The following TBC1D15 variants were observed in gnomAD, a reference collection of about 807,000 sequenced individuals.
TBC1D15 encodes GAP for RAB7.
TBC1D15 carries 39 observed loss-of-function variants against 95.4 expected under a neutral mutation model. The ratio of observed to expected loss-of-function variants is 0.41; its 90% CI spans 0.32 to 0.53. TBC1D15 has a LOEUF of 0.53. TBC1D15 is among the 20% of genes least tolerant of loss of function. The pLI is 0.29. For missense variants in TBC1D15, 733 were observed against 794.3 expected (o/e 0.92, Z 0.93); for synonymous variants, 258 against 261.3 (o/e 0.99, Z 0.12).
intron 11 of TBC1D15, among the ~76,000 whole-genome samples, chr12:71,911,167 T>A (rs1219607736): frequency 8.5e-5 from 13 of 152,122 alleles, no homozygotes; most frequent in Admixed American, 8.5e-4. Context: ...ACTTTTACAC[T>A]GTTGGTGGGA....
intron 1 of TBC1D15, among the ~76,000 whole-genome samples, chr12:71,863,738 G>A (rs945211709): frequency 6.6e-6 from 1 of 152,004 alleles, no homozygotes; most frequent in Non-Finnish European, 1.5e-5. Context: ...TCCCCTCACT[G>A]AATAGGTAAT....
chr12:71,915,992 A>G (rs1206033883), intron 12 of TBC1D15, among the ~76,000 whole-genome samples: 1 of 152,088 alleles, frequency 6.6e-6, no homozygotes, highest in East Asian at 1.9e-4. Context: ...GGCTGAACCT[A>G]ACGTCTGTAA....
chr12:71,850,983 T>TCAAAAAA (rs1887657575), intron 1 of TBC1D15, among the ~76,000 whole-genome samples: 1 of 46,722 alleles, frequency 2.1e-5, no homozygotes, highest in Non-Finnish European at 3.7e-5. Flanking sequence ...ACACTCCATC[T>TCAAAAAA]CAAAAAAAAA....
intron 10 of TBC1D15, among the ~76,000 whole-genome samples, chr12:71,904,892 A>G (rs919735511): frequency 1.3e-5 from 2 of 152,222 alleles, no homozygotes; most frequent in South Asian, 4.1e-4. Context: ...AGGATTGCCA[A>G]ACAGCATTCA....
rs1898160160 is a variant in TBC1D15 at position 71,896,292 on chromosome 12, T to TG, written c.984+222dup. The TG allele has an allele frequency of 8.9e-6, 4 of 451,652 alleles. No individual in the cohort carries two copies. In the South Asian group the frequency reaches 1.5e-4, roughly 17 times the overall value. The allele number at this position is 451,652 out of a possible 1,614,324, so 28.0% of individuals were successfully genotyped here. ...CAGAGTGAGGTGCTTATGATGTTCC[T>TG]GGGGGTTGGGTAGACCCTTAACTCT... On this transcript the variant is annotated intron_variant, in intron 8 of 16. Coordinates refer to ENST00000485960, the MANE Select transcript of TBC1D15 (RefSeq NM_001146213.3).
At chr12:71,919,744 T>C (rs116248884) in intron 14 of TBC1D15, among the ~76,000 whole-genome samples, 166 of 152,334 alleles carry the variant, frequency 1.1e-3, no homozygotes, top group African/African-American at 3.7e-3. Flanking sequence ...ATTGGAACGC[T>C]AAGCATGTGG....
rs1485241762 is a variant in TBC1D15 at position 71,878,696 on chromosome 12, A to G, written c.205-1773A>G. ...ACTCCCGGCTAATTTTTGTATTTTTAGTAGAGACGGGGGTTTTGCCATGTT... is the reference window on the plus strand; with the variant it reads ...ACTCCCGGCTAATTTTTGTATTTTTGGTAGAGACGGGGGTTTTGCCATGTT... On this transcript the variant is annotated intron_variant, in intron 3 of 16. Transcript: ENST00000485960. Among the ~76,000 whole-genome samples the G allele has an allele frequency of 3.3e-5, 5 of 150,998 alleles. No individual in the cohort carries two copies. In the East Asian group the frequency reaches 7.8e-4, roughly 23 times the overall value.
intron 1 of TBC1D15, among the ~76,000 whole-genome samples, chr12:71,855,592 C>T (rs1041028280): frequency 1.2e-4 from 17 of 142,006 alleles, no homozygotes; most frequent in African/African-American, 1.0e-4. Context: ...GGTGTGAACC[C>T]GGGAGGCAGA....
chr12:71,914,475 TTATC>T (rs1903197926), intron 12 of TBC1D15, among the ~76,000 whole-genome samples: 1 of 152,022 alleles, frequency 6.6e-6, no homozygotes, highest in Non-Finnish European at 1.5e-5. Context: ...AAAGAACATT[TTATC>T]TATTATCATT....
chr12:71,843,547 T>A (rs1347452094), intron 1 of TBC1D15, among the ~76,000 whole-genome samples: 2 of 152,180 alleles, frequency 1.3e-5, no homozygotes, highest in Non-Finnish European at 2.9e-5. Context: ...TATTTTTAAA[T>A]TTTTCTGGCA....
At chr12:71,890,904 T>C (rs1897099427) in intron 5 of TBC1D15, among the ~76,000 whole-genome samples, 1 of 152,228 alleles carries the variant, frequency 6.6e-6, no homozygotes, top group African/African-American at 2.4e-5. Flanking sequence ...GTTGCTAAGA[T>C]ATGAATGAGA....
intron 1 of TBC1D15, among the ~76,000 whole-genome samples, chr12:71,857,368 G>T: frequency 6.6e-6 from 1 of 152,086 alleles, no homozygotes; most frequent in East Asian, 1.9e-4. Flanking sequence ...ATTGTTCCCT[G>T]TAACAAAATA....
chr12:71,884,906 T>C lies in TBC1D15; in HGVS notation c.439T>C (p.Trp147Arg), dbSNP rs1179653415. Residue 147 changes from tryptophan (W) to arginine (R), a missense_variant, in exon 5 of 17, where the codon TGG (tryptophan) becomes CGG (arginine). Trp to Arg is a moderately radical substitution (Grantham distance 101). Coordinates refer to ENST00000485960, the MANE Select transcript of TBC1D15 (RefSeq NM_001146213.3). Reference sequence around the variant, plus strand: ...CAAGCAAAACAAAGAGGGTATGGGCTGGTCCTATTTGGTATTCTGTCTAAA... The same window carrying C: ...CAAGCAAAACAAAGAGGGTATGGGCCGGTCCTATTTGGTATTCTGTCTAAA... Reference protein sequence around the residue: ...SIKQNKEGMGWSYLVFCLKDD... With the variant: ...SIKQNKEGMGRSYLVFCLKDD... The C allele has an allele frequency of 6.2e-7, 1 of 1,614,116 alleles. No homozygotes were observed.
intron 9 of TBC1D15, among the ~76,000 whole-genome samples, chr12:71,897,598 A>G (rs1213435011): frequency 3.3e-5 from 5 of 152,078 alleles, no homozygotes; most frequent in African/African-American, 1.2e-4. Flanking sequence ...TTTGTAAAAG[A>G]ATACCTAAAA....
chr12:71,894,219 A>G (rs1355982065), intron 6 of TBC1D15: 9 of 873,902 alleles, frequency 1.0e-5, no homozygotes, highest in Admixed American at 2.2e-5. Context: ...TTAGATTAAA[A>G]TGTCAACTAA....
chr12:71,919,444 G>T (rs1447414932), intron 14 of TBC1D15, among the ~76,000 whole-genome samples: 6 of 152,042 alleles, frequency 3.9e-5, no homozygotes, highest in Admixed American at 1.3e-4. Context: ...AATCCATTTT[G>T]ATTGTAAATC....
At chr12:71,882,526 A>G (rs1895413177) in intron 4 of TBC1D15, among the ~76,000 whole-genome samples, 1 of 152,224 alleles carries the variant, frequency 6.6e-6, no homozygotes, top group Non-Finnish European at 1.5e-5. Context: ...ATTTGGTAAC[A>G]TAGTAAATTC....
intron 3 of TBC1D15, among the ~76,000 whole-genome samples, chr12:71,877,501 TTCCTTCCTTCCTTCCTTCCTTCCTTC>T (rs1565993651): frequency 0.022 from 1,423 of 63,494 alleles, 58 homozygotes; most frequent in African/African-American, 0.069. Flanking sequence ...CTGTTTTTCC[TTCCTTCCTTCCTTCCTTCCTTCCTTC>T]CTTCCTTCCT....
In TBC1D15 at chr12:71,847,029, G is replaced by A. The variant is rs183677965; in HGVS notation, c.30+7218G>A. Among the ~76,000 whole-genome samples the A allele has an allele frequency of 3.9e-5, 6 of 152,006 alleles. No homozygotes were observed. In the East Asian group the frequency reaches 5.8e-4, roughly 15 times the overall value. On this transcript the variant is annotated intron_variant, in intron 1 of 16. Transcript: ENST00000485960. The stretch of plus-strand genomic sequence containing the variant: ...CTCACCTTGGCCTCCTAAAGTTCTG[G>A]GATTACAGGTGAGGCACTGTACCTG...
Sources: allele counts gnomAD v4.1 joint callset (sites outside exome capture counted in the v4.1 genomes callset), GRCh38; gene constraint gnomAD v4.1.1; transcripts MANE v1.5; gene names NCBI Gene and HGNC (gene_info 2026-07-23, HGNC 2026-07-21).